The following DNAH14 variants were observed in gnomAD, a reference collection of about 807,000 sequenced individuals.
DNAH14 encodes dynein axonemal heavy chain 14.
Under a neutral mutation model 520.9 loss-of-function variants are expected in DNAH14, and 478 were observed. That is an observed-to-expected ratio of 0.92 (90% confidence interval 0.85 to 0.99). The LOEUF (loss-of-function observed/expected upper bound fraction) is 0.99, where lower values mean the gene tolerates loss of function less well. DNAH14 is among the 50% of genes least tolerant of loss of function. DNAH14 has a pLI of 0.00. For synonymous variants in DNAH14, 1,581 were observed against 1,757.2 expected, an observed-to-expected ratio of 0.90 and a Z score of 2.51; for missense variants, 4,831 against 5,234.5, an observed-to-expected ratio of 0.92 and a Z score of 2.38.
At chr1:225,038,339 G>T (rs190924292) in intron 11 of DNAH14, among the ~76,000 whole-genome samples, 1 of 151,934 alleles carries the variant, frequency 6.6e-6, no homozygotes, top group South Asian at 2.1e-4. Context: ...GTGCTTTGGG[G>T]TAGTCTTCTT....
intron 41 of DNAH14, among the ~76,000 whole-genome samples, chr1:225,229,047 T>C (rs1354577319): frequency 2.0e-5 from 3 of 152,196 alleles, no homozygotes; most frequent in Non-Finnish European, 4.4e-5. Flanking sequence ...GGGTTGACAA[T>C]GTTTATTATC....
chr1:224,989,341 G>T (rs1380107515), intron 8 of DNAH14, among the ~76,000 whole-genome samples: 1 of 152,102 alleles, frequency 6.6e-6, no homozygotes, highest in Non-Finnish European at 1.5e-5. Flanking sequence ...TTATAAATGG[G>T]ATTGAGTATT....
At chr1:225,038,357 A>G (rs150764480) in intron 11 of DNAH14, among the ~76,000 whole-genome samples, 67 of 152,060 alleles carry the variant, frequency 4.4e-4, no homozygotes, top group Non-Finnish European at 8.1e-4. Context: ...CTTTAGGTTA[A>G]ATCTGCTTGG....
rs778845598 is a variant in DNAH14 at position 224,998,974 on chromosome 1, T to C, written c.831-3809T>C. 2.2e-4 allele frequency among the ~76,000 whole-genome samples: 34 copies of C among 152,178 alleles called. 1 individual carries two copies. Among genetic ancestry groups the C allele is most frequent in the Admixed American group, 9.8e-4 (15 of 15,266 alleles). The stretch of plus-strand genomic sequence containing the variant: ...TTTTAGAATTATTCTGTCTTCTTGG[T>C]GGATTGATGCTTTTAACATTGTATA... On this transcript the variant is annotated intron_variant, in intron 8 of 85. Coordinates refer to ENST00000682510, the MANE Select transcript of DNAH14 (RefSeq NM_001367479.1).
At chr1:225,000,130 A>G (rs2063655828) in intron 8 of DNAH14, among the ~76,000 whole-genome samples, 1 of 152,162 alleles carries the variant, frequency 6.6e-6, no homozygotes, top group African/African-American at 2.4e-5. Flanking sequence ...CATTTGTCTT[A>G]GAACGTCTTA....
At chr1:225,357,035 T>G (rs554511549) in intron 73 of DNAH14, among the ~76,000 whole-genome samples, 1 of 152,152 alleles carries the variant, frequency 6.6e-6, no homozygotes, top group South Asian at 2.1e-4. Flanking sequence ...GAAATTGAGA[T>G]TGTCACATAA....
intron 35 of DNAH14, among the ~76,000 whole-genome samples, chr1:225,161,002 A>G (rs1262972358): frequency 6.6e-6 from 1 of 152,100 alleles, no homozygotes; most frequent in East Asian, 1.9e-4. Context: ...AAGATTTTCA[A>G]ATTCCCTCTA....
At chr1:224,968,364 G>A (rs996283772) in intron 6 of DNAH14, among the ~76,000 whole-genome samples, 1 of 152,010 alleles carries the variant, frequency 6.6e-6, no homozygotes, top group Admixed American at 6.6e-5. Flanking sequence ...GTCAATATAG[G>A]GTATGTGGGT....
At chr1:225,379,249 G>A (rs1243784877) in intron 79 of DNAH14, among the ~76,000 whole-genome samples, 2 of 152,164 alleles carry the variant, frequency 1.3e-5, no homozygotes, top group Non-Finnish European at 2.9e-5. Flanking sequence ...TCATTGTCTT[G>A]CAGATGCATG....
intron 77 of DNAH14, among the ~76,000 whole-genome samples, chr1:225,374,240 A>C: frequency 2.3e-5 from 1 of 43,682 alleles, no homozygotes; most frequent in African/African-American, 1.0e-4. Flanking sequence ...TATAATATAT[A>C]TATTTGTCTA....
chr1:225,275,582 C>T (rs1395488103), intron 52 of DNAH14, among the ~76,000 whole-genome samples: 2 of 152,160 alleles, frequency 1.3e-5, no homozygotes, highest in Non-Finnish European at 2.9e-5. Flanking sequence ...GCTGGAACTA[C>T]AAGATATTTC....
chr1:225,223,146 C>A (rs1303914082), intron 41 of DNAH14, among the ~76,000 whole-genome samples: 3 of 152,166 alleles, frequency 2.0e-5, no homozygotes, highest in African/African-American at 4.8e-5. Context: ...GGATACACTA[C>A]AGCTATGGGA....
chr1:225,393,787 T>A (rs1423732089), intron 84 of DNAH14, among the ~76,000 whole-genome samples: 1 of 152,078 alleles, frequency 6.6e-6, no homozygotes, highest in Non-Finnish European at 1.5e-5. Flanking sequence ...GTCATTCTAG[T>A]GGACGTGCAG....
At chr1:224,938,672 C>T (rs749653571) in intron 1 of DNAH14, among the ~76,000 whole-genome samples, 1 of 152,160 alleles carries the variant, frequency 6.6e-6, no homozygotes, top group Non-Finnish European at 1.5e-5. Flanking sequence ...CTATGTGATC[C>T]AGCAATTCCA....
Position 225,038,646 on chromosome 1 carries a change from A to G in DNAH14, c.1359-48A>G, listed in dbSNP as rs902962233. On this transcript the variant is annotated intron_variant, in intron 11 of 85. Coordinates refer to ENST00000682510, the MANE Select transcript of DNAH14 (RefSeq NM_001367479.1). The stretch of plus-strand genomic sequence containing the variant: ...TTGTAGGTGTTCTTTATATATGTAG[A>G]TATAAATGATTTTTAAATGATTTTT... 6.0e-6 allele frequency: 9 copies of G among 1,490,946 alleles called. No homozygotes were observed. The African/African-American group carries it at 8.6e-5, about 14-fold the overall frequency. 92.4% of individuals were successfully genotyped at this position (1,490,946 alleles called of 1,614,324 possible).
Position 225,232,859 on chromosome 1 carries a change from T to C in DNAH14, c.6518+1708T>C, listed in dbSNP as rs1447536886. On this transcript the variant is annotated intron_variant, in intron 42 of 85. Transcript: ENST00000682510. The surrounding 1 kb of genome is among the most constrained non-coding windows in gnomAD (Gnocchi z 4.2). Reference sequence around the variant, plus strand: ...AGGATGTGCAGGTTTGTTACATAGGTAAATGTGTGCCATGGTGGTTTGCTG... The same window carrying C: ...AGGATGTGCAGGTTTGTTACATAGGCAAATGTGTGCCATGGTGGTTTGCTG... Among the ~76,000 whole-genome samples, 2 of 152,184 alleles carry C rather than the reference T, an allele frequency of 1.3e-5. No individual in the cohort carries two copies. Among genetic ancestry groups the C allele is most frequent in the Non-Finnish European group, 2.9e-5 (2 of 68,044 alleles).
At chr1:224,993,839 A>G (rs2063215471) in intron 8 of DNAH14, among the ~76,000 whole-genome samples, 1 of 149,318 alleles carries the variant, frequency 6.7e-6, no homozygotes, top group Admixed American at 6.6e-5. Context: ...CCTTCTTTGA[A>G]CTCCTTTTAC....
chr1:225,090,049 T>C (rs2074242587), intron 21 of DNAH14, among the ~76,000 whole-genome samples: 2 of 152,124 alleles, frequency 1.3e-5, no homozygotes, highest in Non-Finnish European at 2.9e-5. Flanking sequence ...TGATTACCTA[T>C]GTAAAAAAAT....
rs141264423 is a variant in DNAH14, at chr1:225,358,887, G to A, written c.11776+235G>A. Among the ~76,000 whole-genome samples, 395 of 152,250 alleles carry A rather than the reference G, an allele frequency of 2.6e-3. 4 individuals are homozygous for A. The highest frequency in any genetic ancestry group is 8.4e-3 in the African/African-American group (348 of 41,546). On this transcript the variant is annotated intron_variant, in intron 74 of 85. Coordinates refer to ENST00000682510, the MANE Select transcript of DNAH14 (RefSeq NM_001367479.1). ...CATTTCCCCTCCTGGCACTCACTAC[G>A]TCCTGCCACCCTGCAAAGAAGGTGC...
Sources: gnomAD v4.1 joint callset for allele counts (sites outside exome capture counted in the v4.1 genomes callset) on GRCh38, gnomAD v4.1.1 for gene constraint, Gnocchi (gnomAD v3.1) non-coding constraint, MANE v1.5 for transcripts, NCBI Gene and HGNC (gene_info 2026-07-23, HGNC 2026-07-21) for gene names.